The following LRRC37A2 variants were observed in gnomAD, a reference collection of about 807,000 sequenced individuals.
LRRC37A2 encodes leucine rich repeat containing 37 member A2.
Under a neutral mutation model 68.8 loss-of-function variants are expected in LRRC37A2, and 9 were observed. The ratio of observed to expected loss-of-function variants is 0.13; its 90% CI spans 0.08 to 0.23. The LOEUF is 0.23. LRRC37A2 is among the 10% of genes least tolerant of loss of function. The probability of loss-of-function intolerance (pLI) is 1.00; values close to 1 mark genes in which losing one functional copy is unlikely to be tolerated. For missense variants in LRRC37A2, 168 were observed against 950.4 expected (o/e 0.18, Z 10.82); for synonymous variants, 63 against 367.6 (o/e 0.17, Z 9.48).
chr17:46,773,965 G>C, the LRRC37A2 span: 9 of 1,584,838 alleles, frequency 5.7e-6, no homozygotes, highest in Non-Finnish European at 6.0e-6. Flanking sequence ...AGCCCATCCT[G>C]GGCACCATGG....
chr17:46,738,638 G>A, the LRRC37A2 span, among the ~76,000 whole-genome samples: 1 of 152,172 alleles, frequency 6.6e-6, no homozygotes, highest in African/African-American at 2.4e-5. Flanking sequence ...TGAGTTTTTT[G>A]TACCTTTTCT....
chr17:46,924,682 C>A, the LRRC37A2 span, among the ~76,000 whole-genome samples: 1 of 152,132 alleles, frequency 6.6e-6, no homozygotes, highest in Non-Finnish European at 1.5e-5. Flanking sequence ...AAATACAGAA[C>A]CTACTTTGTA....
the LRRC37A2 span, among the ~76,000 whole-genome samples, chr17:46,793,697 T>G: frequency 6.6e-6 from 1 of 152,150 alleles, no homozygotes; most frequent in Non-Finnish European, 1.5e-5. Context: ...TGCTGACAAA[T>G]GTGGGCAAGA....
At chr17:46,875,088 G>T in the LRRC37A2 span, 5 of 1,613,298 alleles carry the variant, frequency 3.1e-6, no homozygotes, top group African/African-American at 1.3e-5. Flanking sequence ...ATGCCCCTGG[G>T]TGCCCGATCC....
the LRRC37A2 span, among the ~76,000 whole-genome samples, chr17:46,727,095 CTCT>C: frequency 6.6e-6 from 1 of 152,204 alleles, no homozygotes; most frequent in Non-Finnish European, 1.5e-5. Context: ...TATAATCCCT[CTCT>C]TGCTTATCCC....
the LRRC37A2 span, among the ~76,000 whole-genome samples, chr17:46,806,500 C>T: frequency 5.3e-4 from 81 of 152,186 alleles, no homozygotes; most frequent in Middle Eastern, 3.4e-3. Flanking sequence ...TGAGCCACCG[C>T]GCCCAGCTGA....
the LRRC37A2 span, among the ~76,000 whole-genome samples, chr17:46,760,558 CAGG>C: frequency 6.7e-6 from 1 of 148,782 alleles, no homozygotes; most frequent in Non-Finnish European, 1.5e-5. Context: ...CACTTGAGCC[CAGG>C]AGGTCAAGGC....
At chr17:46,879,324 C>T in the LRRC37A2 span, among the ~76,000 whole-genome samples, 1 of 152,100 alleles carries the variant, frequency 6.6e-6, no homozygotes, top group South Asian at 2.1e-4. Flanking sequence ...GGGTCTGTCT[C>T]GGAGCTGGTA....
At chr17:46,754,838 C>T in the LRRC37A2 span, among the ~76,000 whole-genome samples, 1 of 152,232 alleles carries the variant, frequency 6.6e-6, no homozygotes, top group Non-Finnish European at 1.5e-5. Flanking sequence ...ATGACGGATA[C>T]TGAGGCTAAG....
chr17:46,768,530 G>T, the LRRC37A2 span: 1 of 1,614,182 alleles, frequency 6.2e-7, no homozygotes, highest in Non-Finnish European at 8.5e-7. The surrounding 1 kb of genome is among the most constrained non-coding windows in gnomAD (Gnocchi z 5.0). Flanking sequence ...TCTCTGGGTT[G>T]GGCTCACAAA....
the LRRC37A2 span, chr17:46,886,318 A>T: frequency 6.6e-6 from 1 of 152,246 alleles, no homozygotes; most frequent in Non-Finnish European, 1.5e-5. Flanking sequence ...AGGTTAAATG[A>T]GAGAAGACAT....
the LRRC37A2 span, among the ~76,000 whole-genome samples, chr17:46,871,238 C>T: frequency 1.1e-4 from 16 of 152,226 alleles, no homozygotes; most frequent in African/African-American, 3.4e-4. Flanking sequence ...GCTATGAGGC[C>T]AGGATATCCC....
the LRRC37A2 span, among the ~76,000 whole-genome samples, chr17:46,786,789 T>A: frequency 6.6e-6 from 1 of 152,178 alleles, no homozygotes; most frequent in African/African-American, 2.4e-5. Flanking sequence ...GTGATTGTCA[T>A]ACAGCTCCCC....
chr17:46,915,242 T>A, the LRRC37A2 span, among the ~76,000 whole-genome samples: 2 of 152,018 alleles, frequency 1.3e-5, no homozygotes, highest in African/African-American at 4.8e-5. Context: ...GATGCCTTGG[T>A]GGGAATGGCT....
the LRRC37A2 span, among the ~76,000 whole-genome samples, chr17:46,988,935 G>T: frequency 6.6e-6 from 1 of 152,158 alleles, no homozygotes; most frequent in East Asian, 1.9e-4. Flanking sequence ...AATGATAAAC[G>T]GTGAGAAGGT....
the LRRC37A2 span, among the ~76,000 whole-genome samples, chr17:46,622,183 TGCA>T: frequency 6.9e-6 from 1 of 144,218 alleles, no homozygotes; most frequent in Non-Finnish European, 1.5e-5. Context: ...ATGGGCTGGG[TGCA>T]GTGGCTCACA....
chr17:46,865,137 G>C, the LRRC37A2 span, among the ~76,000 whole-genome samples: 1 of 152,186 alleles, frequency 6.6e-6, no homozygotes, highest in Non-Finnish European at 1.5e-5. Context: ...GCTTCAGCCC[G>C]AGCCTGAGTG....
the LRRC37A2 span, among the ~76,000 whole-genome samples, chr17:46,823,673 C>CAAAT: frequency 8.5e-5 from 13 of 152,164 alleles, no homozygotes; most frequent in African/African-American, 3.1e-4. Flanking sequence ...CTCCTGACCT[C>CAAAT]AAATGACCCA....
At chr17:46,990,011 C>A in the LRRC37A2 span, among the ~76,000 whole-genome samples, 106,525 of 152,130 alleles carry the variant, frequency 0.7, 37,915 homozygotes, top group Middle Eastern at 0.78. Flanking sequence ...GGTTGTTACA[C>A]CATAAGGAAT....
Sources: gnomAD v4.1 joint callset for allele counts (sites outside exome capture counted in the v4.1 genomes callset) on GRCh38, gnomAD v4.1.1 for gene constraint, Gnocchi (gnomAD v3.1) non-coding constraint, MANE v1.5 for transcripts, NCBI Gene and HGNC (gene_info 2026-07-23, HGNC 2026-07-21) for gene names.